SEMA3D: variants seen among roughly 807,000 people sequenced by gnomAD.
SEMA3D encodes semaphorin-3D.
Under a neutral mutation model 100.1 loss-of-function variants are expected in SEMA3D, and 84 were observed. That is an observed-to-expected ratio of 0.84 (90% CI 0.70 to 1.01). The LOEUF (loss-of-function observed/expected upper bound fraction) is 1.01, where lower values mean the gene tolerates loss of function less well. Among genes scored for constraint, SEMA3D ranks in the 50% least tolerant of loss-of-function variants. SEMA3D has a pLI of 0.00. For synonymous variants in SEMA3D, 312 were observed against 320.7 expected, an observed-to-expected ratio of 0.97 and a Z score of 0.29; for missense variants, 875 against 934.1, an observed-to-expected ratio of 0.94 and a Z score of 0.82.
chr7:85,131,661 G>C (rs1343769694), intron 2 of SEMA3D, among the ~76,000 whole-genome samples: 1 of 151,834 alleles, frequency 6.6e-6, no homozygotes, highest in African/African-American at 2.4e-5. Flanking sequence ...TGTGGATCTT[G>C]TGAAATACGA....
chr7:84,999,767 C>A lies in SEMA3D; in HGVS notation c.2007G>T (p.Glu669Asp). 1 of 1,614,020 alleles carries A rather than the reference C, an allele frequency of 6.2e-7. No individual in the cohort carries two copies. The highest frequency in any genetic ancestry group is 1.3e-5 in the African/African-American group (1 of 75,042). ...TCACTATGGTGTGGATGAAAGTGTG[C>A]TCCTGGGCTTTGCAGTAATACATCC... ...DSGMYYCKAQ[E>D]HTFIHTIVKL... is the part of the protein sequence containing the mutation. The change falls in exon 19 of 19, where the codon GAG (glutamate) becomes GAT (aspartate). Residue 669 changes from glutamate to aspartate, a missense_variant. Transcript: ENST00000284136.
Position 85,187,023 on chromosome 7 carries a change from G to A in SEMA3D, c.-518C>T, listed in dbSNP as rs954697534. 4.6e-5 allele frequency among the ~76,000 whole-genome samples: 7 copies of A among 152,272 alleles called. No homozygotes were observed. Among genetic ancestry groups the A allele is most frequent in the Non-Finnish European group, 7.4e-5 (5 of 68,024 alleles). On this transcript the variant is annotated 5_prime_UTR_variant, in exon 1 of 19. Coordinates refer to ENST00000284136, the MANE Select transcript of SEMA3D (RefSeq NM_001384900.1). ...CGGCTTTTAAGTTTGTGGTGTGACC[G>A]CAGCAGCTGTCCTGGGAGAGACTCA...
chr7:85,043,986 A>G (rs1435207741), intron 9 of SEMA3D, among the ~76,000 whole-genome samples: 1 of 152,032 alleles, frequency 6.6e-6, no homozygotes, highest in Non-Finnish European at 1.5e-5. Flanking sequence ...ATTTAACCCA[A>G]CTAGCTCTGC....
At chr7:85,023,449 C>G (rs1450416388) in intron 12 of SEMA3D, among the ~76,000 whole-genome samples, 1 of 151,728 alleles carries the variant, frequency 6.6e-6, no homozygotes, top group African/African-American at 2.4e-5. Context: ...AGGAAGGTAC[C>G]TCGTATAGAA....
chr7:85,164,595 C>A (rs1790842585), intron 1 of SEMA3D, among the ~76,000 whole-genome samples: 1 of 152,138 alleles, frequency 6.6e-6, no homozygotes, highest in African/African-American at 2.4e-5. Flanking sequence ...AAGCCAATTA[C>A]TTCATCTGGT....
intron 8 of SEMA3D, among the ~76,000 whole-genome samples, chr7:85,062,016 T>C (rs1165333206): frequency 6.6e-6 from 1 of 152,124 alleles, no homozygotes; most frequent in East Asian, 1.9e-4. Flanking sequence ...TCCCAGTTTG[T>C]AGTGAGGCTG....
intron 4 of SEMA3D, among the ~76,000 whole-genome samples, chr7:85,082,224 G>C (rs891265717): frequency 6.6e-6 from 1 of 152,176 alleles, no homozygotes; most frequent in Admixed American, 6.5e-5. Context: ...ACTTATGGCA[G>C]AGCCACAGTC....
the SEMA3D span, among the ~76,000 whole-genome samples, chr7:85,250,016 G>T: frequency 1.3e-5 from 2 of 152,050 alleles, no homozygotes; most frequent in Non-Finnish European, 2.9e-5. Flanking sequence ...TGCACGCACC[G>T]TGCACGAGCC....
At chr7:85,150,232 A>C (rs1170603065) in intron 2 of SEMA3D, among the ~76,000 whole-genome samples, 2 of 150,972 alleles carry the variant, frequency 1.3e-5, no homozygotes, top group Non-Finnish European at 3.0e-5. Flanking sequence ...AATAGTCAGA[A>C]TTCTTGGTAT....
At chr7:85,147,690 T>C (rs1207526214) in intron 2 of SEMA3D, among the ~76,000 whole-genome samples, 2 of 152,168 alleles carry the variant, frequency 1.3e-5, no homozygotes, top group African/African-American at 4.8e-5. Context: ...TTAAATATTA[T>C]TTATTTATCC....
intron 17 of SEMA3D, among the ~76,000 whole-genome samples, chr7:85,008,706 A>G (rs1295092511): frequency 2.0e-5 from 3 of 151,796 alleles, no homozygotes; most frequent in Non-Finnish European, 4.4e-5. Context: ...TTATGTGTGA[A>G]TAAGTGTAAG....
Position 85,046,755 on chromosome 7 carries a change from A to G in SEMA3D, c.862-4470T>C, listed in dbSNP as rs987605188. Among the ~76,000 whole-genome samples, 7 of 152,052 alleles carry G rather than the reference A, an allele frequency of 4.6e-5. No homozygotes were observed. The South Asian group carries it at 1.0e-3, about 23-fold the overall frequency. On this transcript the variant is annotated intron_variant, in intron 9 of 18. Transcript: ENST00000284136. ...AGTCCCTGGATTTGTTTGCATATCCACACAATCTCCTCTAAGAACTTTAAG... is the reference window on the plus strand; with the variant it reads ...AGTCCCTGGATTTGTTTGCATATCCGCACAATCTCCTCTAAGAACTTTAAG...
At chr7:85,032,836 T>C (rs1790583649) in intron 12 of SEMA3D, among the ~76,000 whole-genome samples, 1 of 152,016 alleles carries the variant, frequency 6.6e-6, no homozygotes, top group Non-Finnish European at 1.5e-5. Context: ...TAAAAGGACA[T>C]AATATTTGAT....
chr7:85,063,953 T>C (rs1408372925), intron 8 of SEMA3D, among the ~76,000 whole-genome samples: 1 of 152,106 alleles, frequency 6.6e-6, no homozygotes, highest in African/African-American at 2.4e-5. Context: ...GGCAATAGGG[T>C]CTCAGAAGTT....
the SEMA3D span, among the ~76,000 whole-genome samples, chr7:85,241,469 A>G: frequency 0.02 from 1,027 of 52,090 alleles, 72 homozygotes; most frequent in African/African-American, 0.056. Flanking sequence ...GTGTGTGTGT[A>G]TATATATATA....
intron 3 of SEMA3D, among the ~76,000 whole-genome samples, chr7:85,116,713 T>C (rs183822366): frequency 2.6e-5 from 4 of 152,198 alleles, no homozygotes; most frequent in African/African-American, 9.6e-5. Context: ...TATTATTCCA[T>C]GTTATATTCT....
the SEMA3D span, among the ~76,000 whole-genome samples, chr7:85,249,344 G>T: frequency 2.6e-5 from 4 of 152,136 alleles, no homozygotes; most frequent in African/African-American, 9.7e-5. Context: ...AAGAAGAGCC[G>T]AAGGATACCT....
At chr7:85,179,038 C>T (rs1369259275) in intron 1 of SEMA3D, among the ~76,000 whole-genome samples, 1 of 152,216 alleles carries the variant, frequency 6.6e-6, no homozygotes, top group Non-Finnish European at 1.5e-5. Context: ...ATTTGGGAAA[C>T]TCTGCCTAGA....
At chr7:85,119,146 A>T (rs1208660553) in intron 3 of SEMA3D, among the ~76,000 whole-genome samples, 5 of 152,214 alleles carry the variant, frequency 3.3e-5, no homozygotes, top group Non-Finnish European at 7.3e-5. Context: ...GAGAAAACGG[A>T]ATGCTTATAC....
Sources: allele counts gnomAD v4.1 joint callset (sites outside exome capture counted in the v4.1 genomes callset), GRCh38; gene constraint gnomAD v4.1.1; transcripts MANE v1.5; gene names NCBI Gene and HGNC (gene_info 2026-07-23, HGNC 2026-07-21).